Variants in STXBP4 observed in about 807,000 individuals in gnomAD.
The protein encoded by STXBP4 is syntaxin-binding protein 4.
Under a neutral mutation model 76.1 loss-of-function variants are expected in STXBP4, and 55 were observed. The observed-to-expected ratio is 0.72, with a 90% confidence interval of 0.58 to 0.91. The LOEUF (loss-of-function observed/expected upper bound fraction) is 0.91, where lower values mean the gene tolerates loss of function less well. Among genes scored for constraint, STXBP4 ranks in the 40% least tolerant of loss-of-function variants. The probability of loss-of-function intolerance (pLI) is 0.00; values close to 1 mark genes in which losing one functional copy is unlikely to be tolerated. For missense variants in STXBP4, 618 were observed against 636.9 expected (o/e 0.97, Z 0.32); for synonymous variants, 201 against 220.2 (o/e 0.91, Z 0.77).
chr17:55,135,440 T>C (rs1333345681), intron 16 of STXBP4, among the ~76,000 whole-genome samples: 1 of 152,124 alleles, frequency 6.6e-6, no homozygotes. Context: ...AAAATCATGT[T>C]TGTTAATACA....
chr17:54,991,912 G>A (rs1197638770), intron 4 of STXBP4: 1 of 151,844 alleles, frequency 6.6e-6, no homozygotes, highest in East Asian at 1.9e-4. Flanking sequence ...TAAATAAACA[G>A]TCCTACTACT....
chr17:55,143,111 A>T (rs1359311060), intron 17 of STXBP4, among the ~76,000 whole-genome samples: 1 of 152,208 alleles, frequency 6.6e-6, no homozygotes, highest in Non-Finnish European at 1.5e-5. Flanking sequence ...CTTGTGCTTA[A>T]TAGCCAGGAA....
At chr17:55,053,378 A>C (rs1045147513) in intron 12 of STXBP4, among the ~76,000 whole-genome samples, 10 of 152,156 alleles carry the variant, frequency 6.6e-5, no homozygotes, top group African/African-American at 1.2e-4. Context: ...ATTTATACAC[A>C]TATATGTAAT....
At chr17:55,018,272 C>A (rs929981502) in intron 8 of STXBP4, among the ~76,000 whole-genome samples, 1 of 152,172 alleles carries the variant, frequency 6.6e-6, no homozygotes. Context: ...CGATCAGGAA[C>A]GGCAATGGGC....
the STXBP4 span, among the ~76,000 whole-genome samples, chr17:55,207,305 C>A: frequency 6.6e-6 from 1 of 152,156 alleles, no homozygotes. Context: ...GGCATGTACA[C>A]CCCAACTCCC....
At chr17:55,189,446 T>G in the STXBP4 span, among the ~76,000 whole-genome samples, 1 of 152,188 alleles carries the variant, frequency 6.6e-6, no homozygotes, top group Non-Finnish European at 1.5e-5. Context: ...CAGAGCTTAC[T>G]TTGAGCCTTA....
At chr17:55,063,565 C>T (rs2079017923) in intron 12 of STXBP4, among the ~76,000 whole-genome samples, 1 of 152,064 alleles carries the variant, frequency 6.6e-6, no homozygotes, top group Non-Finnish European at 1.5e-5. Flanking sequence ...TAAGGGAGAC[C>T]TGGTAAGAGA....
the STXBP4 span, among the ~76,000 whole-genome samples, chr17:55,206,752 G>C: frequency 6.6e-6 from 1 of 150,842 alleles, no homozygotes; most frequent in Non-Finnish European, 1.5e-5. Context: ...AGCTACTCAA[G>C]AGGCTGAGGC....
intron 11 of STXBP4, chr17:55,043,793 AATATACTGTAAC>A: frequency 7.9e-6 from 5 of 636,144 alleles, no homozygotes; most frequent in Non-Finnish European, 1.3e-5. Flanking sequence ...ACATATCCCA[AATATACTGTAAC>A]ATTTTTCTTC....
intron 16 of STXBP4, among the ~76,000 whole-genome samples, chr17:55,122,178 C>A (rs553083477): frequency 1.3e-5 from 2 of 152,094 alleles, no homozygotes; most frequent in Non-Finnish European, 2.9e-5. Context: ...CTCAACAAAC[C>A]GTTGTTAAAC....
At chr17:55,087,042 T>C (rs886689807) in intron 16 of STXBP4, among the ~76,000 whole-genome samples, 8 of 152,324 alleles carry the variant, frequency 5.3e-5, no homozygotes, top group African/African-American at 1.9e-4. Flanking sequence ...ATCTATTTGC[T>C]GGCCATTTGT....
At chr17:55,152,481 G>C (rs1229249081) in intron 17 of STXBP4, among the ~76,000 whole-genome samples, 2 of 152,126 alleles carry the variant, frequency 1.3e-5, no homozygotes, top group Non-Finnish European at 2.9e-5. Context: ...ACCTGAGACT[G>C]GGTAATTTAT....
intron 16 of STXBP4, among the ~76,000 whole-genome samples, chr17:55,113,634 TA>T (rs528263126): frequency 0.015 from 2,208 of 151,238 alleles, 27 homozygotes; most frequent in Middle Eastern, 0.051. Flanking sequence ...TCTGCTGATA[TA>T]AAAAAAAAGT....
At chr17:55,007,387 G>A in intron 7 of STXBP4, 119 bp from the exon 8 acceptor site, 1 of 726,306 alleles carries the variant, frequency 1.4e-6, no homozygotes, top group Non-Finnish European at 2.4e-6. Flanking sequence ...AAAACTAAAA[G>A]CTGCTAACTG....
chr17:55,201,437 G>A, the STXBP4 span, among the ~76,000 whole-genome samples: 595 of 152,074 alleles, frequency 3.9e-3, 5 homozygotes, highest in African/African-American at 0.014. Context: ...GGAGAGGAAA[G>A]GAGGGAAAGG....
intron 17 of STXBP4, among the ~76,000 whole-genome samples, chr17:55,156,870 T>C (rs2145189283): frequency 6.6e-6 from 1 of 152,108 alleles, no homozygotes; most frequent in Non-Finnish European, 1.5e-5. Flanking sequence ...AAGTGCTTAA[T>C]GAAGGTTACT....
At chr17:55,202,435 GACA>G in the STXBP4 span, among the ~76,000 whole-genome samples, 2 of 151,804 alleles carry the variant, frequency 1.3e-5, no homozygotes, top group African/African-American at 4.8e-5. Context: ...AAAATTAAAT[GACA>G]TTTAATTAAA....
At chr17:55,047,533 A>T (rs1403388464) in intron 12 of STXBP4, among the ~76,000 whole-genome samples, 1 of 151,850 alleles carries the variant, frequency 6.6e-6, no homozygotes, top group African/African-American at 2.4e-5. Flanking sequence ...AGAACAAAAA[A>T]GTCATCAAGG....
At chr17:55,193,835 C>T in the STXBP4 span, among the ~76,000 whole-genome samples, 4 of 88,470 alleles carry the variant, frequency 4.5e-5, no homozygotes, top group South Asian at 3.7e-4. Context: ...AAAAAAAAAA[C>T]GTAATTAATT....
Sources: allele counts gnomAD v4.1 joint callset (sites outside exome capture counted in the v4.1 genomes callset), GRCh38; gene constraint gnomAD v4.1.1; transcripts MANE v1.5; gene names NCBI Gene and HGNC (gene_info 2026-07-23, HGNC 2026-07-21).